The following USP32 variants were observed in gnomAD, a reference collection of about 807,000 sequenced individuals.
The protein encoded by USP32 is ubiquitin carboxyl-terminal hydrolase 32.
In USP32, 59 loss-of-function variants were observed where a neutral mutation model predicts 204.8. The ratio of observed to expected loss-of-function variants is 0.29; its 90% CI spans 0.23 to 0.36. USP32 has a LOEUF of 0.36. Ranked by LOEUF, USP32 falls within the 10% of genes least tolerant of loss-of-function variation. The probability of loss-of-function intolerance (pLI) is 1.00; values close to 1 mark genes in which losing one functional copy is unlikely to be tolerated. For synonymous variants in USP32, 517 were observed against 678.4 expected, an observed-to-expected ratio of 0.76 and a Z score of 3.70; for missense variants, 1,160 against 1,946.4, an observed-to-expected ratio of 0.60 and a Z score of 7.60.
intron 5 of USP32, among the ~76,000 whole-genome samples, chr17:60,278,199 C>T (rs1004825383): frequency 1.3e-5 from 2 of 152,080 alleles, no homozygotes; most frequent in Non-Finnish European, 2.9e-5. Context: ...CTACTGCACC[C>T]AGACAATAAA....
At chr17:60,203,343 G>C (rs2084730106) in intron 26 of USP32, among the ~76,000 whole-genome samples, 1 of 143,654 alleles carries the variant, frequency 7.0e-6, no homozygotes, top group Non-Finnish European at 1.5e-5. Context: ...GGAGGCTGCA[G>C]TGAGTGGAGA....
At chr17:60,310,606 G>A (rs1459907058) in intron 2 of USP32, among the ~76,000 whole-genome samples, 1 of 152,114 alleles carries the variant, frequency 6.6e-6, no homozygotes, top group Non-Finnish European at 1.5e-5. Context: ...GGCTGAGGCA[G>A]GAGAATCACT....
chr17:60,184,523 A>C (rs569801822), intron 30 of USP32, among the ~76,000 whole-genome samples: 8 of 152,170 alleles, frequency 5.3e-5, no homozygotes, highest in Admixed American at 4.6e-4. Context: ...GAATAAGAAA[A>C]CATGGCTGGG....
chr17:60,417,438 C>T (rs1482043012), intron 1 of USP32, among the ~76,000 whole-genome samples: 1 of 151,576 alleles, frequency 6.6e-6, no homozygotes, highest in Non-Finnish European at 1.5e-5. Context: ...AAGCCACATG[C>T]CCAGCTGATT....
chr17:60,248,449 T>C (rs2086090383), intron 11 of USP32, among the ~76,000 whole-genome samples: 1 of 152,344 alleles, frequency 6.6e-6, no homozygotes, highest in African/African-American at 2.4e-5. Flanking sequence ...TCAAACTTTT[T>C]TCTGCTTCTT....
chr17:60,402,631 G>T (rs561498890), intron 1 of USP32, among the ~76,000 whole-genome samples: 4 of 152,306 alleles, frequency 2.6e-5, no homozygotes, highest in African/African-American at 9.6e-5. Context: ...TTGCTTACAT[G>T]AGTATACCTG....
At chr17:60,279,743 G>T (rs1021502440) in intron 5 of USP32, among the ~76,000 whole-genome samples, 2 of 150,798 alleles carry the variant, frequency 1.3e-5, no homozygotes, top group East Asian at 4.0e-4. Flanking sequence ...AGGCTGAGGT[G>T]GGGGGATCAC....
chr17:60,240,118 T>C (rs190197423), intron 11 of USP32, among the ~76,000 whole-genome samples: 174 of 152,362 alleles, frequency 1.1e-3, no homozygotes, highest in Middle Eastern at 6.8e-3. Context: ...TTTTAAATGT[T>C]TGTCTACTAA....
intron 1 of USP32, chr17:60,421,569 A>G: frequency 1.0e-6 from 1 of 985,434 alleles, no homozygotes; most frequent in Non-Finnish European, 1.2e-6. Flanking sequence ...CAGGGAAGAA[A>G]AGGTGGCTCG....
Position 60,309,965 on chromosome 17 carries a change from A to G in USP32, c.187-8261T>C, listed in dbSNP as rs149406881. The stretch of plus-strand genomic sequence containing the variant: ...AGTCTGAGGCAGGAGAACTGTTTGA[A>G]CCTGGGAGGTGGAGGTTGCAGTGAG... On this transcript the variant is annotated intron_variant, in intron 2 of 33. Transcript: ENST00000300896. Among the ~76,000 whole-genome samples, 646 of 152,156 alleles carry G rather than the reference A, an allele frequency of 4.2e-3. 5 individuals are homozygous for G. Among genetic ancestry groups the G allele is most frequent in the African/African-American group, 0.015 (619 of 41,508 alleles).
chr17:60,259,041 T>C (rs191580348), intron 9 of USP32, among the ~76,000 whole-genome samples: 9 of 152,358 alleles, frequency 5.9e-5, no homozygotes, highest in Middle Eastern at 3.4e-3. Context: ...TTCATTTTTG[T>C]AATAACACTT....
At chr17:60,317,019 T>A (rs539546521) in intron 2 of USP32, among the ~76,000 whole-genome samples, 1 of 152,094 alleles carries the variant, frequency 6.6e-6, no homozygotes, top group African/African-American at 2.4e-5. Flanking sequence ...AGACTGGAGG[T>A]TATCAGGGGC....
intron 12 of USP32, among the ~76,000 whole-genome samples, chr17:60,235,559 C>CATAGGAAA (rs758419623): frequency 6.6e-6 from 1 of 152,156 alleles, no homozygotes; most frequent in Non-Finnish European, 1.5e-5. Context: ...CGTTAGTGAT[C>CATAGGAAA]ATTTGGCAAT....
chr17:60,232,168 CTTTTTTTTTTTTT>C (rs58707657), intron 12 of USP32, among the ~76,000 whole-genome samples: 1 of 109,476 alleles, frequency 9.1e-6, no homozygotes, highest in East Asian at 2.6e-4. Context: ...TTTTCTTTTT[CTTTTTTTTTTTTT>C]TTTTTTTTTG....
At chr17:60,288,047 G>T (rs1269272284) in intron 5 of USP32, among the ~76,000 whole-genome samples, 1 of 145,506 alleles carries the variant, frequency 6.9e-6, no homozygotes, top group East Asian at 2.1e-4. Context: ...CCGGGAGGTG[G>T]AGATTGCAGT....
chr17:60,271,609 G>A (rs778226894), intron 5 of USP32, 128 bp from the exon 6 acceptor site: 67 of 941,988 alleles, frequency 7.1e-5, no homozygotes, highest in Non-Finnish European at 9.2e-5. Flanking sequence ...AAATAATCAC[G>A]ACCAAAAACA....
At chr17:60,224,187 T>C (rs577287356) in intron 13 of USP32, among the ~76,000 whole-genome samples, 9 of 152,356 alleles carry the variant, frequency 5.9e-5, no homozygotes, top group African/African-American at 2.2e-4. Flanking sequence ...AACTCTCAAC[T>C]ACATGCTAAT....
chr17:60,310,096 GTGAGGA>G (rs1378625661), intron 2 of USP32, among the ~76,000 whole-genome samples: 1 of 152,092 alleles, frequency 6.6e-6, no homozygotes, highest in Non-Finnish European at 1.5e-5. Context: ...ACAAATGCTG[GTGAGGA>G]TGTGGAGAAA....
intron 11 of USP32, among the ~76,000 whole-genome samples, chr17:60,238,014 A>G (rs886893424): frequency 4.6e-5 from 7 of 152,192 alleles, no homozygotes; most frequent in Non-Finnish European, 8.8e-5. Flanking sequence ...TGATTGCACC[A>G]TTTTACATTT....
Sources: allele counts gnomAD v4.1 joint callset (sites outside exome capture counted in the v4.1 genomes callset), GRCh38; gene constraint gnomAD v4.1.1; transcripts MANE v1.5; gene names NCBI Gene and HGNC (gene_info 2026-07-23, HGNC 2026-07-21).